The following SETBP1 variants were observed in gnomAD, a reference collection of about 807,000 sequenced individuals.
SETBP1 encodes the protein SET binding protein 1, also known as SET-binding protein.
A neutral mutation model predicts 101.0 loss-of-function variants in SETBP1; 9 were observed. That is an observed-to-expected ratio of 0.09 (90% CI 0.05 to 0.16). SETBP1 has a LOEUF of 0.16. Ranked by LOEUF, SETBP1 falls within the 10% of genes least tolerant of loss-of-function variation. The pLI is 1.00. For missense variants in SETBP1, 1,858 were observed against 2,033.8 expected (o/e 0.91, Z 1.66); for synonymous variants, 818 against 788.5 (o/e 1.04, Z -0.63).
intron 3 of SETBP1, among the ~76,000 whole-genome samples, chr18:44,884,254 A>C (rs1199338928): frequency 6.6e-6 from 1 of 152,228 alleles, no homozygotes; most frequent in Non-Finnish European, 1.5e-5. Flanking sequence ...CAGTGTTCTC[A>C]TGCATGCAAT....
chr18:45,002,842 G>A (rs1335951104), intron 4 of SETBP1, among the ~76,000 whole-genome samples: 1 of 152,214 alleles, frequency 6.6e-6, no homozygotes, highest in Non-Finnish European at 1.5e-5. Context: ...AATGTAATCT[G>A]AGAAGGGACA....
intron 4 of SETBP1, among the ~76,000 whole-genome samples, chr18:45,034,551 C>G (rs2073357304): frequency 6.6e-6 from 1 of 152,008 alleles, no homozygotes; most frequent in Non-Finnish European, 1.5e-5. Context: ...AAAAAATTAT[C>G]AATAGAGGTC....
chr18:44,708,034 C>T (rs1285725455), intron 2 of SETBP1, among the ~76,000 whole-genome samples: 2 of 152,088 alleles, frequency 1.3e-5, no homozygotes, highest in African/African-American at 4.8e-5. Context: ...TTCGTTTACA[C>T]GTGGGTGAGG....
At chr18:44,701,919 T>C (rs143740606) in intron 2 of SETBP1, 87 bp downstream of exon 2, 1 of 1,446,092 alleles carries the variant, frequency 6.9e-7, no homozygotes, top group East Asian at 2.5e-5. Flanking sequence ...ATTTATATAT[T>C]ATATTTGACT....
chr18:44,861,121 C>A (rs770956113), intron 2 of SETBP1, among the ~76,000 whole-genome samples: 4 of 152,052 alleles, frequency 2.6e-5, no homozygotes, highest in Non-Finnish European at 5.9e-5. Flanking sequence ...GAACTCCCAC[C>A]TCAGTGCCTC....
At chr18:44,900,449 T>G (rs1702512226) in intron 3 of SETBP1, among the ~76,000 whole-genome samples, 1 of 152,250 alleles carries the variant, frequency 6.6e-6, no homozygotes, top group African/African-American at 2.4e-5. Context: ...AAAGCTTTTC[T>G]GCTTTTCTCT....
intron 2 of SETBP1, among the ~76,000 whole-genome samples, chr18:44,831,997 C>T (rs1767178620): frequency 6.6e-6 from 1 of 151,996 alleles, no homozygotes; most frequent in Admixed American, 6.5e-5. Context: ...CTGATAAGCA[C>T]AAAATTGGTA....
At chr18:45,054,507 A>G (rs942915515) in intron 5 of SETBP1, among the ~76,000 whole-genome samples, 2 of 149,762 alleles carry the variant, frequency 1.3e-5, no homozygotes, top group African/African-American at 5.1e-5. Context: ...AGTGGCTGAC[A>G]AATAGCATCT....
At chr18:44,821,533 A>G (rs2072114206) in intron 2 of SETBP1, among the ~76,000 whole-genome samples, 1 of 152,172 alleles carries the variant, frequency 6.6e-6, no homozygotes, top group African/African-American at 2.4e-5. Context: ...GGCTGGACCC[A>G]TGCCTCTTTA....
chr18:44,749,759 A>G (rs951843958), intron 2 of SETBP1, among the ~76,000 whole-genome samples: 2 of 152,364 alleles, frequency 1.3e-5, no homozygotes, highest in East Asian at 3.9e-4. Context: ...TGTGCATCCT[A>G]TAATCATGGG....
intron 4 of SETBP1, among the ~76,000 whole-genome samples, chr18:44,976,366 T>C (rs2071989102): frequency 1.3e-5 from 2 of 152,012 alleles, no homozygotes; most frequent in African/African-American, 4.8e-5. Context: ...CCAAAGCAAA[T>C]GAACCTGAGT....
chr18:44,928,815 A>C (rs2070760344), intron 3 of SETBP1, among the ~76,000 whole-genome samples: 1 of 152,186 alleles, frequency 6.6e-6, no homozygotes, highest in Non-Finnish European at 1.5e-5. Context: ...AGTTCTTTGT[A>C]GATTCTAGGT....
At chr18:44,797,342 G>A (rs2071502453) in intron 2 of SETBP1, among the ~76,000 whole-genome samples, 1 of 152,148 alleles carries the variant, frequency 6.6e-6, no homozygotes, top group Non-Finnish European at 1.5e-5. Context: ...TTTCTCCCAT[G>A]CATGTGTAAC....
chr18:44,778,794 A>G (rs2071061048), intron 2 of SETBP1, among the ~76,000 whole-genome samples: 1 of 152,216 alleles, frequency 6.6e-6, no homozygotes, highest in Admixed American at 6.5e-5. Context: ...TTGTCATTGT[A>G]ACCCAAGGGC....
intron 2 of SETBP1, among the ~76,000 whole-genome samples, 197 bp downstream of exon 2, chr18:44,702,029 G>T (rs1568098103): frequency 6.6e-6 from 1 of 152,072 alleles, no homozygotes; most frequent in Non-Finnish European, 1.5e-5. Context: ...GCTTACTGTT[G>T]ACCGGAAGCC....
chr18:44,983,143 TGAGAG>T (rs1222783322), intron 4 of SETBP1, among the ~76,000 whole-genome samples: 1 of 151,690 alleles, frequency 6.6e-6, no homozygotes, highest in Non-Finnish European at 1.5e-5. Context: ...CATTGAAAAA[TGAGAG>T]GAGAGAGAAC....
At chr18:44,837,451 T>C (rs1326288921) in intron 2 of SETBP1, among the ~76,000 whole-genome samples, 13 of 152,244 alleles carry the variant, frequency 8.5e-5, no homozygotes, top group Non-Finnish European at 4.4e-5. Context: ...TAAAATAAAT[T>C]TAATGAAATC....
At chr18:44,733,667 CAAT>C (rs2069891327) in intron 2 of SETBP1, among the ~76,000 whole-genome samples, 1 of 152,194 alleles carries the variant, frequency 6.6e-6, no homozygotes, top group African/African-American at 2.4e-5. Flanking sequence ...ACAAAAACCT[CAAT>C]TTCCCTTTTT....
chr18:44,944,977 C>CCTGA (rs2071169948), intron 3 of SETBP1, among the ~76,000 whole-genome samples: 1 of 152,024 alleles, frequency 6.6e-6, no homozygotes, highest in Non-Finnish European at 1.5e-5. Flanking sequence ...TAAAAAGAAA[C>CCTGA]CTGACTTACA....
Sources: gnomAD v4.1 joint callset for allele counts (sites outside exome capture counted in the v4.1 genomes callset) on GRCh38, gnomAD v4.1.1 for gene constraint, MANE v1.5 for transcripts, NCBI Gene and HGNC (gene_info 2026-07-23, HGNC 2026-07-21) for gene names.